Variants in CCDC70 observed in about 807,000 individuals in gnomAD.
CCDC70 encodes coiled-coil domain containing 70, also known as coiled-coil domain-containing protein 70.
Under a neutral mutation model 9.1 loss-of-function variants are expected in CCDC70, and 4 were observed. The ratio of observed to expected loss-of-function variants is 0.44; its 90% CI spans 0.22 to 1.00. CCDC70 has a LOEUF of 1.00. Ranked by LOEUF, CCDC70 falls within the 50% of genes least tolerant of loss-of-function variation. CCDC70 has a pLI of 0.25. For synonymous variants in CCDC70, 119 were observed against 94.0 expected (o/e 1.27, Z -1.54); for missense variants, 308 against 271.3 (o/e 1.14, Z -0.95).
rs906770352 is a variant in CCDC70, at chr13:51,865,449, C to T, written c.38C>T (p.Ala13Val). 1 of 1,614,012 alleles carries T rather than the reference C, an allele frequency of 6.2e-7. No individual in the cohort carries two copies. The highest frequency in any genetic ancestry group is 8.5e-7 in the Non-Finnish European group (1 of 1,179,960). The change falls in exon 2 of 2, where the codon GCC (alanine) becomes GTC (valine). Residue 13 changes from alanine to valine, a missense_variant. Ala to Val is a moderately conservative substitution (Grantham distance 64). Coordinates refer to ENST00000242819, the MANE Select transcript of CCDC70 (RefSeq NM_031290.4). ...SFKVSRWMGL[A>V]CFRSLAASSP... ...AAGGTGAGCAGATGGATGGGGCTTG[C>T]CTGCTTCCGGTCCCTGGCGGCATCC...
intron 1 of CCDC70, among the ~76,000 whole-genome samples, chr13:51,863,103 G>A (rs1283375126): frequency 6.6e-6 from 1 of 152,222 alleles, no homozygotes; most frequent in African/African-American, 2.4e-5. Context: ...AGGAACAAAA[G>A]GGGCTCTCAG....
At position 51,861,986 on chromosome 13, in the gene CCDC70, A is replaced by G. The variant is rs993209088; in HGVS notation, c.-324A>G. 2 of 152,300 alleles carry G rather than the reference A, an allele frequency of 1.3e-5. No homozygotes were observed. The highest frequency in any genetic ancestry group is 2.9e-5 in the Non-Finnish European group (2 of 68,056). 9.4% of individuals were successfully genotyped at this position (152,300 alleles called of 1,614,324 possible). A position where few individuals can be genotyped will look rare whatever the true frequency, so the allele number is the denominator to read the frequency against. On this transcript the variant is annotated 5_prime_UTR_variant, in exon 1 of 2. Coordinates refer to ENST00000242819, the MANE Select transcript of CCDC70 (RefSeq NM_031290.4). The stretch of plus-strand genomic sequence containing the variant: ...ACAGCACTGCCCTATCAGTGAAGTC[A>G]AAGATTGAAGAGGAACTCTTTCAAA...
Position 51,865,319 on chromosome 13 carries a change from G to C in CCDC70, c.-80-13G>C. 1 of 1,400,226 alleles carries C rather than the reference G, an allele frequency of 7.1e-7. No individual in the cohort carries two copies. Among genetic ancestry groups the C allele is most frequent in the Non-Finnish European group, 9.7e-7 (1 of 1,028,440 alleles). 86.7% of individuals were successfully genotyped at this position (1,400,226 alleles called of 1,614,324 possible). On this transcript the variant is annotated splice_polypyrimidine_tract_variant and intron_variant, in intron 1 of 1. Transcript: ENST00000242819. The stretch of plus-strand genomic sequence containing the variant: ...TGATACTCATAGATCTGTCTTTTCT[G>C]CTGCCCCCACAGGGTCTGACCAGCC...
At chr13:51,864,895 G>C (rs538603081) in intron 1 of CCDC70, among the ~76,000 whole-genome samples, 1 of 152,242 alleles carries the variant, frequency 6.6e-6, no homozygotes, top group Non-Finnish European at 1.5e-5. Flanking sequence ...TCCCCTCTGA[G>C]GTCAGTGGGC....
chr13:51,866,026 C>G lies in CCDC70; in HGVS notation c.615C>G (p.Pro205=). The G allele has an allele frequency of 6.2e-7, 1 of 1,608,658 alleles. No homozygotes were observed. The highest frequency in any genetic ancestry group is 1.1e-5 in the South Asian group (1 of 90,448). The change falls in exon 2 of 2, where the codon CCC becomes CCG. Residue 205 remains proline (P), a synonymous_variant. Transcript: ENST00000242819. Reference sequence around the variant, plus strand: ...GAGAGCAGATGCTCGAAGATGGGCCCCACAACGCCAACAGAGGGCAGCGCT... The same window carrying G: ...GAGAGCAGATGCTCGAAGATGGGCCGCACAACGCCAACAGAGGGCAGCGCT... The part of the protein sequence containing the change: ...IAGEQMLEDG[P]HNANRGQRLL...
At chr13:51,863,703 ACACAC>A (rs1378090798) in intron 1 of CCDC70, among the ~76,000 whole-genome samples, 42 of 131,714 alleles carry the variant, frequency 3.2e-4, no homozygotes, top group Admixed American at 7.1e-4. Flanking sequence ...ACACACACAC[ACACAC>A]ACCAGCTATG....
chr13:51,865,527 C>T lies in CCDC70; in HGVS notation c.116C>T (p.Ala39Val). The T allele has an allele frequency of 1.2e-6, 2 of 1,614,172 alleles. No homozygotes were observed. Among genetic ancestry groups the T allele is most frequent in the Non-Finnish European group, 1.7e-6 (2 of 1,180,036 alleles). The stretch of plus-strand genomic sequence containing the variant: ...ATGCACAAGCTGCAGGAGGAAAAGG[C>T]TTTTCGCGAAGAGATGAAAATTTTT... Reference protein sequence around the residue: ...KLMHKLQEEKAFREEMKIFRE... With the variant: ...KLMHKLQEEKVFREEMKIFRE... The change falls in exon 2 of 2, where the codon GCT (alanine) becomes GTT (valine). Residue 39 changes from alanine (A) to valine (V), a missense_variant. Transcript: ENST00000242819.
intron 1 of CCDC70, among the ~76,000 whole-genome samples, chr13:51,862,559 A>G (rs1200951032): frequency 6.6e-6 from 1 of 152,288 alleles, no homozygotes; most frequent in Non-Finnish European, 1.5e-5. Context: ...TATTTCCTGA[A>G]CACCTATCCT....
chr13:51,862,559 A>T (rs1200951032), intron 1 of CCDC70, among the ~76,000 whole-genome samples: 1 of 152,170 alleles, frequency 6.6e-6, no homozygotes, highest in Non-Finnish European at 1.5e-5. Flanking sequence ...TATTTCCTGA[A>T]CACCTATCCT....
chr13:51,862,684 A>G (rs962025668), intron 1 of CCDC70, among the ~76,000 whole-genome samples: 2 of 152,170 alleles, frequency 1.3e-5, no homozygotes, highest in African/African-American at 4.8e-5. Context: ...TGGAGGAGGT[A>G]TCTGAGTGCT....
In CCDC70 at chr13:51,865,347, C is replaced by T. The variant is rs1956411781; in HGVS notation, c.-65C>T. The T allele has an allele frequency of 1.9e-6, 3 of 1,543,448 alleles. No individual in the cohort carries two copies. Among genetic ancestry groups the T allele is most frequent in the Non-Finnish European group, 1.7e-6 (2 of 1,146,588 alleles). On this transcript the variant is annotated 5_prime_UTR_variant, in exon 2 of 2. Coordinates refer to ENST00000242819, the MANE Select transcript of CCDC70 (RefSeq NM_031290.4). ...GCCCCCACAGGGTCTGACCAGCCGACCTGGACCTGGCCAAGGGTCCTGTCA... is the reference window on the plus strand; with the variant it reads ...GCCCCCACAGGGTCTGACCAGCCGATCTGGACCTGGCCAAGGGTCCTGTCA...
chr13:51,862,463 A>G (rs1258462973), intron 1 of CCDC70, among the ~76,000 whole-genome samples: 1 of 152,214 alleles, frequency 6.6e-6, no homozygotes, highest in Non-Finnish European at 1.5e-5. Flanking sequence ...TCTTTCTTAA[A>G]GAAAGTTTAG....
rs752045440 is a variant in CCDC70 at position 51,865,774 on chromosome 13, T to A, written c.363T>A (p.Asp121Glu). 4.3e-6 allele frequency: 7 copies of A among 1,614,094 alleles called. No individual in the cohort carries two copies. In the East Asian group the frequency reaches 1.6e-4, roughly 36 times the overall value. ...AGTACCGCACTTTCTGGAAGGAGGA[T>A]AAGGCCTTCTGGAAAGAGGACAATG... is the stretch of plus-strand genomic sequence containing the variant. ...WKKYRTFWKEDKAFWKEDNAL... is the reference protein window; with the variant it reads ...WKKYRTFWKEEKAFWKEDNAL... Residue 121 changes from aspartate to glutamate, a missense_variant, in exon 2 of 2, where the codon GAT (aspartate) becomes GAA (glutamate). Coordinates refer to ENST00000242819, the MANE Select transcript of CCDC70 (RefSeq NM_031290.4).
At position 51,865,759 on chromosome 13, in the gene CCDC70, TTTCTGGAAGGAGGATAAGGCC is replaced by T; in HGVS notation, c.357_377del (p.Lys122_Asp128del). ...AAACTTTCTGGAAAAAGTACCGCACTTTCTGGAAGGAGGATAAGGCCTTCTGGAAAGAGGACAATGCCTTAT... is the reference window on the plus strand; with the variant it reads ...AAACTTTCTGGAAAAAGTACCGCACTTTCTGGAAAGAGGACAATGCCTTAT... On this transcript the variant is annotated inframe_deletion, in exon 2 of 2. Transcript: ENST00000242819. 6.2e-7 allele frequency: 1 copy of T among 1,614,084 alleles called. No individual in the cohort carries two copies. The highest frequency in any genetic ancestry group is 8.5e-7 in the Non-Finnish European group (1 of 1,179,998).
At position 51,866,018 on chromosome 13, in the gene CCDC70, G is replaced by A; in HGVS notation, c.607G>A (p.Asp203Asn). ...CATTGCCGGAGAGCAGATGCTCGAA[G>A]ATGGGCCCCACAACGCCAACAGAGG... ...GHIAGEQMLE[D>N]GPHNANRGQR... is the part of the protein sequence containing the mutation. Residue 203 changes from aspartate to asparagine, a missense_variant, in exon 2 of 2, where the codon GAT (aspartate) becomes AAT (asparagine). Asp to Asn is a conservative substitution (Grantham distance 23). Transcript: ENST00000242819. 1 of 1,610,838 alleles carries A rather than the reference G, an allele frequency of 6.2e-7. No individual in the cohort carries two copies. Among genetic ancestry groups the A allele is most frequent in the Non-Finnish European group, 8.5e-7 (1 of 1,178,898 alleles).
intron 1 of CCDC70, among the ~76,000 whole-genome samples, chr13:51,864,497 G>T (rs1956405229): frequency 6.6e-6 from 1 of 152,198 alleles, no homozygotes; most frequent in South Asian, 2.1e-4. Context: ...CCCTGATCCT[G>T]CTTCTCTCTT....
chr13:51,864,186 T>C (rs1275571575), intron 1 of CCDC70, among the ~76,000 whole-genome samples: 1 of 151,980 alleles, frequency 6.6e-6, no homozygotes, highest in East Asian at 1.9e-4. Context: ...AAATATACTG[T>C]ATTGACTGGG....
At chr13:51,864,980 C>A (rs981269018) in intron 1 of CCDC70, among the ~76,000 whole-genome samples, 5 of 152,218 alleles carry the variant, frequency 3.3e-5, no homozygotes, top group African/African-American at 1.2e-4. Context: ...AGGAACAATT[C>A]TCAAGTGAGT....
In CCDC70 at chr13:51,865,941, A is replaced by G. The variant is rs768886973; in HGVS notation, c.530A>G (p.Glu177Gly). ...GATAAAACGTCCCTCTGGGAGGAAG[A>G]GAATGCCCTCTGGGAGGAAGAGAGG... Reference protein sequence around the residue: ...WEDKTSLWEEENALWEEERAF... With the variant: ...WEDKTSLWEEGNALWEEERAF... Residue 177 changes from glutamate (E) to glycine (G), a missense_variant, in exon 2 of 2, where the codon GAG (glutamate) becomes GGG (glycine). Transcript: ENST00000242819. 1.1e-5 allele frequency: 18 copies of G among 1,613,964 alleles called. No homozygotes were observed. Among genetic ancestry groups the G allele is most frequent in the Middle Eastern group, 1.6e-4 (1 of 6,082 alleles).
Sources: allele counts gnomAD v4.1 joint callset (sites outside exome capture counted in the v4.1 genomes callset), GRCh38; gene constraint gnomAD v4.1.1; transcripts MANE v1.5; gene names NCBI Gene and HGNC (gene_info 2026-07-23, HGNC 2026-07-21).